AGAP1: variants seen among roughly 807,000 people sequenced by gnomAD.
The protein encoded by AGAP1 is ArfGAP with GTPase domain, ankyrin repeat and PH domain 1.
AGAP1 carries 29 observed loss-of-function variants against 105.3 expected under a neutral mutation model. The observed-to-expected ratio is 0.28, with a 90% CI of 0.21 to 0.38. The LOEUF (loss-of-function observed/expected upper bound fraction) is 0.38. AGAP1 is among the 10% of genes least tolerant of loss of function. AGAP1 has a pLI of 1.00. For missense variants in AGAP1, 998 were observed against 1,165.1 expected (o/e 0.86, Z 2.09); for synonymous variants, 509 against 485.9 (o/e 1.05, Z -0.63).
rs1048081559 is a variant in AGAP1 at position 235,889,026 on chromosome 2, T to A, written c.1155+5577T>A. ...AGAGGTCATTTCTGTTCCTGAGGTATCTGAACACAGTTTGCTTATTGCACA... is the reference window on the plus strand; with the variant it reads ...AGAGGTCATTTCTGTTCCTGAGGTAACTGAACACAGTTTGCTTATTGCACA... On this transcript the variant is annotated intron_variant, in intron 10 of 17. Coordinates refer to ENST00000304032, the MANE Select transcript of AGAP1 (RefSeq NM_001037131.3). The surrounding 1 kb of genome is among the most constrained non-coding windows in gnomAD (Gnocchi z 4.6). Among the ~76,000 whole-genome samples the A allele has an allele frequency of 6.6e-6, 1 of 152,204 alleles. No individual in the cohort carries two copies. Among genetic ancestry groups the A allele is most frequent in the African/African-American group, 2.4e-5 (1 of 41,458 alleles).
At position 235,578,751 on chromosome 2, in the gene AGAP1, C is replaced by CACAA. The variant is rs1944821337; in HGVS notation, c.163+83902_163+83903insACAA. ...AGTAAGCCGACATTGTGCCACTGCA[C>CACAA]TCCAGCCTGGGCAATACAGCGAGAC... is the stretch of plus-strand genomic sequence containing the variant. On this transcript the variant is annotated intron_variant, in intron 1 of 17. Coordinates refer to ENST00000304032, the MANE Select transcript of AGAP1 (RefSeq NM_001037131.3). This position sits in a 1 kb window ranked among gnomAD's most constrained non-coding sequence, Gnocchi z 4.9. Among the ~76,000 whole-genome samples, 1 of 150,056 alleles carries CACAA rather than the reference C, an allele frequency of 6.7e-6. No individual in the cohort carries two copies. The highest frequency in any genetic ancestry group is 1.5e-5 in the Non-Finnish European group (1 of 67,790).
At chr2:235,671,313 G>A (rs1948410453) in intron 1 of AGAP1, among the ~76,000 whole-genome samples, 1 of 152,182 alleles carries the variant, frequency 6.6e-6, no homozygotes, top group Non-Finnish European at 1.5e-5. Flanking sequence ...CCCGGGAGAG[G>A]TCGCCTTGCC....
chr2:235,499,057 C>T (rs1381185788), intron 1 of AGAP1, among the ~76,000 whole-genome samples: 10 of 152,178 alleles, frequency 6.6e-5, no homozygotes, highest in African/African-American at 2.4e-4. Context: ...CATCTCAGTT[C>T]GTCCTGCAGC....
chr2:235,758,145 CAT>C (rs1491351005), intron 6 of AGAP1, among the ~76,000 whole-genome samples: 9 of 151,810 alleles, frequency 5.9e-5, no homozygotes, highest in African/African-American at 2.2e-4. Flanking sequence ...TGCATGCGTG[CAT>C]GTGTGTGTGT....
intron 16 of AGAP1, among the ~76,000 whole-genome samples, chr2:236,097,542 G>A (rs559950957): frequency 3.3e-5 from 5 of 151,928 alleles, no homozygotes; most frequent in Admixed American, 3.3e-4. Context: ...ACAGGCATGT[G>A]CCACCACACC....
intron 1 of AGAP1, among the ~76,000 whole-genome samples, chr2:235,671,397 A>T (rs1948417411): frequency 6.6e-6 from 1 of 152,130 alleles, no homozygotes; most frequent in Admixed American, 6.5e-5. Context: ...TGCCCGCGAC[A>T]CCTGTGGGGC....
chr2:235,973,967 C>T lies in AGAP1; in HGVS notation c.1645+5344C>T, dbSNP rs2054758221. ...AGCTCTTGGCATTGTCTTTGAATTA[C>T]AGTACTTTCTGGGCATCTTCATATC... On this transcript the variant is annotated intron_variant, in intron 13 of 17. Transcript: ENST00000304032. This position sits in a 1 kb window ranked among gnomAD's most constrained non-coding sequence, Gnocchi z 4.7. Among the ~76,000 whole-genome samples the T allele has an allele frequency of 6.6e-6, 1 of 152,140 alleles. No homozygotes were observed. Among genetic ancestry groups the T allele is most frequent in the South Asian group, 2.1e-4 (1 of 4,814 alleles).
In AGAP1 at chr2:235,725,959, C is replaced by T. The variant is rs561483061; in HGVS notation, c.310+8315C>T. Among the ~76,000 whole-genome samples, 8 of 152,126 alleles carry T rather than the reference C, an allele frequency of 5.3e-5. No individual in the cohort carries two copies. Among genetic ancestry groups the T allele is most frequent in the Non-Finnish European group, 1.0e-4 (7 of 67,996 alleles). ...TTTCATTTTGAGCAAGAAAAAAAGC[C>T]GTAAAATCAGAATAAGGAGATAGTC... On this transcript the variant is annotated intron_variant, in intron 3 of 17. Transcript: ENST00000304032. This position sits in a 1 kb window ranked among gnomAD's most constrained non-coding sequence, Gnocchi z 5.7.
In AGAP1 at chr2:235,556,632, C is replaced by A. The variant is rs1386319664; in HGVS notation, c.163+61783C>A. Among the ~76,000 whole-genome samples, 2 of 152,226 alleles carry A rather than the reference C, an allele frequency of 1.3e-5. No homozygotes were observed. Among genetic ancestry groups the A allele is most frequent in the East Asian group, 3.8e-4 (2 of 5,198 alleles). ...CCTTTCCAATACTCTGGTTCCCTCT[C>A]TCCCCTATGTGCAAGTAAATAACAT... On this transcript the variant is annotated intron_variant, in intron 1 of 17. Coordinates refer to ENST00000304032, the MANE Select transcript of AGAP1 (RefSeq NM_001037131.3). This position sits in a 1 kb window ranked among gnomAD's most constrained non-coding sequence, Gnocchi z 5.3.
chr2:236,016,694 G>A (rs990372775), intron 13 of AGAP1, among the ~76,000 whole-genome samples: 1 of 152,162 alleles, frequency 6.6e-6, no homozygotes, highest in Non-Finnish European at 1.5e-5. Context: ...CAGCACCTCG[G>A]AGGGGTGGAG....
Position 235,908,625 on chromosome 2 carries a change from G to A in AGAP1, c.1156-113G>A. On this transcript the variant is annotated intron_variant, in intron 10 of 17. Coordinates refer to ENST00000304032, the MANE Select transcript of AGAP1 (RefSeq NM_001037131.3). This position sits in a 1 kb window ranked among gnomAD's most constrained non-coding sequence, Gnocchi z 4.4. ...CATGATTTTTAAAGTACTTTCCACA[G>A]TGGAAGGGTCATAGGGTTTTAACTC... is the stretch of plus-strand genomic sequence containing the variant. 1 of 922,918 alleles carries A rather than the reference G, an allele frequency of 1.1e-6. No homozygotes were observed. Among genetic ancestry groups the A allele is most frequent in the Non-Finnish European group, 1.6e-6 (1 of 621,636 alleles). The allele number at this position is 922,918 out of a possible 1,614,324, so 57.2% of individuals were successfully genotyped here. A position where few individuals can be genotyped will look rare whatever the true frequency, so the allele number is the denominator to read the frequency against.
Position 235,700,264 on chromosome 2 carries a change from G to A in AGAP1, c.164-8915G>A, listed in dbSNP as rs888827342. 6.6e-6 allele frequency among the ~76,000 whole-genome samples: 1 copy of A among 152,152 alleles called. No individual in the cohort carries two copies. The highest frequency in any genetic ancestry group is 2.4e-5 in the African/African-American group (1 of 41,434). ...GCGGAAGATAATCCCAGCAGTGCAG[G>A]AGAGCTGTGCTCCACTCCTCAAGGC... is the stretch of plus-strand genomic sequence containing the variant. On this transcript the variant is annotated intron_variant, in intron 1 of 17. Coordinates refer to ENST00000304032, the MANE Select transcript of AGAP1 (RefSeq NM_001037131.3). This position sits in a 1 kb window ranked among gnomAD's most constrained non-coding sequence, Gnocchi z 6.1.
rs897809330 is a variant in AGAP1, at chr2:236,121,857, C to A, written c.2370+1410C>A. On this transcript the variant is annotated intron_variant, in intron 17 of 17. Coordinates refer to ENST00000304032, the MANE Select transcript of AGAP1 (RefSeq NM_001037131.3). The surrounding 1 kb of genome is among the most constrained non-coding windows in gnomAD (Gnocchi z 4.9). Reference sequence around the variant, plus strand: ...AAGGGCCAGCAGGAATGGTTCCTGGCGAGGCCTCTCTCACGGCTGGTAGAC... The same window carrying A: ...AAGGGCCAGCAGGAATGGTTCCTGGAGAGGCCTCTCTCACGGCTGGTAGAC... 6.6e-6 allele frequency among the ~76,000 whole-genome samples: 1 copy of A among 152,176 alleles called. No homozygotes were observed. The highest frequency in any genetic ancestry group is 1.5e-5 in the Non-Finnish European group (1 of 68,044).
intron 1 of AGAP1, among the ~76,000 whole-genome samples, chr2:235,502,475 A>T (rs1941603738): frequency 6.6e-6 from 1 of 152,122 alleles, no homozygotes; most frequent in African/African-American, 2.4e-5. Context: ...AGTCCCAAAC[A>T]GGTGGCCACC....
chr2:235,629,523 A>G (rs755932935), intron 1 of AGAP1, among the ~76,000 whole-genome samples: 1 of 152,004 alleles, frequency 6.6e-6, no homozygotes, highest in Admixed American at 6.5e-5. Flanking sequence ...AGTGTCCAGC[A>G]CAGGGGCCAG....
chr2:235,704,088 C>T (rs995096449), intron 1 of AGAP1, among the ~76,000 whole-genome samples: 2 of 152,190 alleles, frequency 1.3e-5, no homozygotes, highest in Non-Finnish European at 2.9e-5. Context: ...TTTCCCTCTG[C>T]GTCCTCTTGA....
chr2:235,831,386 C>G (rs537298321), intron 9 of AGAP1, among the ~76,000 whole-genome samples: 1 of 152,132 alleles, frequency 6.6e-6, no homozygotes, highest in African/African-American at 2.4e-5. Flanking sequence ...TGAATCTGGA[C>G]AAATGTATAA....
chr2:235,911,319 T>C (rs1041084733), intron 11 of AGAP1, among the ~76,000 whole-genome samples: 3 of 151,964 alleles, frequency 2.0e-5, no homozygotes, highest in African/African-American at 7.3e-5. Flanking sequence ...CCAGGAGGGC[T>C]GTGTAAAGGG....
rs1006344369 is a variant in AGAP1 at position 235,875,670 on chromosome 2, C to G, written c.1051-7675C>G. Among the ~76,000 whole-genome samples the G allele has an allele frequency of 4.6e-5, 7 of 152,180 alleles. No homozygotes were observed. The South Asian group carries it at 1.4e-3, about 32-fold the overall frequency. ...GAGTGTGTGGTCTCCTGTTTCCCATCTGCATTTGCTTATGGGGCGCCATGA... is the reference window on the plus strand; with the variant it reads ...GAGTGTGTGGTCTCCTGTTTCCCATGTGCATTTGCTTATGGGGCGCCATGA... On this transcript the variant is annotated intron_variant, in intron 9 of 17. Transcript: ENST00000304032. The surrounding 1 kb of genome is among the most constrained non-coding windows in gnomAD (Gnocchi z 4.0).
Sources: allele counts gnomAD v4.1 joint callset (sites outside exome capture counted in the v4.1 genomes callset), GRCh38; gene constraint gnomAD v4.1.1; non-coding constraint Gnocchi (gnomAD v3.1); transcripts MANE v1.5; gene names NCBI Gene and HGNC (gene_info 2026-07-23, HGNC 2026-07-21).